Variants in UBASH3B observed in about 807,000 individuals in gnomAD.
UBASH3B encodes ubiquitin associated and SH3 domain containing B, also known as ubiquitin-associated and SH3 domain-containing protein B.
Under a neutral mutation model 83.4 loss-of-function variants are expected in UBASH3B, and 37 were observed. That is an observed-to-expected ratio of 0.44 (90% CI 0.34 to 0.58). The LOEUF (loss-of-function observed/expected upper bound fraction) is 0.58, where lower values mean the gene tolerates loss of function less well. UBASH3B is among the 20% of genes least tolerant of loss of function. The pLI, the probability that UBASH3B is intolerant of heterozygous loss-of-function variation, is 0.01. For synonymous variants in UBASH3B, 304 were observed against 318.3 expected (o/e 0.96, Z 0.48); for missense variants, 657 against 827.2 (o/e 0.79, Z 2.52).
intron 1 of UBASH3B, among the ~76,000 whole-genome samples, chr11:122,748,566 G>A (rs760528287): frequency 6.6e-6 from 1 of 152,118 alleles, no homozygotes; most frequent in African/African-American, 2.4e-5. Context: ...AATAATTTAC[G>A]TTTATGCAAT....
intron 6 of UBASH3B, among the ~76,000 whole-genome samples, chr11:122,793,612 C>T (rs1861098382): frequency 6.6e-6 from 1 of 152,186 alleles, no homozygotes. Flanking sequence ...GCCTAACAAC[C>T]ATATTTACAT....
intron 1 of UBASH3B, among the ~76,000 whole-genome samples, chr11:122,744,485 T>C (rs972137131): frequency 6.6e-6 from 1 of 152,018 alleles, no homozygotes; most frequent in Non-Finnish European, 1.5e-5. Flanking sequence ...TGTGTTACTG[T>C]GTGTGTTGCA....
chr11:122,659,875 G>A (rs1332837089), intron 1 of UBASH3B, among the ~76,000 whole-genome samples: 1 of 152,148 alleles, frequency 6.6e-6, no homozygotes, highest in South Asian at 2.1e-4. Flanking sequence ...GTCTGGTGGT[G>A]TGCGGCACCA....
At chr11:122,809,562 T>G (rs1405026517) in intron 13 of UBASH3B, among the ~76,000 whole-genome samples, 187 bp from the exon 14 acceptor site, 1 of 152,238 alleles carries the variant, frequency 6.6e-6, no homozygotes, top group Non-Finnish European at 1.5e-5. Context: ...TAAATACTCT[T>G]CTAAGTTACC....
chr11:122,736,924 A>T (rs1860942589), intron 1 of UBASH3B, among the ~76,000 whole-genome samples: 1 of 152,164 alleles, frequency 6.6e-6, no homozygotes. Context: ...AATGAAAGGA[A>T]ATAAAGGATC....
chr11:122,684,570 G>A (rs1863785258), intron 1 of UBASH3B, among the ~76,000 whole-genome samples: 1 of 152,166 alleles, frequency 6.6e-6, no homozygotes, highest in Non-Finnish European at 1.5e-5. Flanking sequence ...TGAATTTGGA[G>A]AAGTAAAGAG....
At chr11:122,798,390 C>T (rs1164069801) in intron 9 of UBASH3B, among the ~76,000 whole-genome samples, 1 of 152,112 alleles carries the variant, frequency 6.6e-6, no homozygotes, top group Non-Finnish European at 1.5e-5. Context: ...GCCTTTACCA[C>T]TTGTTAGCAC....
intron 1 of UBASH3B, among the ~76,000 whole-genome samples, chr11:122,728,390 A>C (rs1413713513): frequency 1.3e-5 from 2 of 152,180 alleles, no homozygotes; most frequent in African/African-American, 4.8e-5. Context: ...TTCCTGTTGA[A>C]GCAGGTCGGG....
In UBASH3B at chr11:122,743,671, A is replaced by C. The variant is rs188700663; in HGVS notation, c.162-32548A>C. Among the ~76,000 whole-genome samples the C allele has an allele frequency of 3.1e-3, 465 of 152,370 alleles. 4 individuals carry two copies. The highest frequency in any genetic ancestry group is 0.011 in the African/African-American group (441 of 41,590). ...AACACAAAGTGCTGCAAGGATGTGA[A>C]TATTCGAAAGCAGGTCCCTGGTCTC... On this transcript the variant is annotated intron_variant, in intron 1 of 13. Transcript: ENST00000284273.
intron 1 of UBASH3B, among the ~76,000 whole-genome samples, chr11:122,740,301 A>C (rs1158056550): frequency 6.6e-6 from 1 of 152,202 alleles, no homozygotes; most frequent in Non-Finnish European, 1.5e-5. Flanking sequence ...TGGCATTTGA[A>C]CTGCACCTTG....
intron 1 of UBASH3B, among the ~76,000 whole-genome samples, chr11:122,742,033 C>T (rs1591794450): frequency 6.6e-6 from 1 of 152,212 alleles, no homozygotes; most frequent in Non-Finnish European, 1.5e-5. Flanking sequence ...CTGAGGACCC[C>T]TCCCTACCTC....
At chr11:122,666,309 T>A (rs1378799173) in intron 1 of UBASH3B, among the ~76,000 whole-genome samples, 1 of 152,282 alleles carries the variant, frequency 6.6e-6, no homozygotes, top group Non-Finnish European at 1.5e-5. Flanking sequence ...TCATGGCTGC[T>A]TTTGTGTACA....
rs996347213 is a variant in UBASH3B at position 122,759,344 on chromosome 11, A to G, written c.162-16875A>G. Among the ~76,000 whole-genome samples the G allele has an allele frequency of 3.3e-5, 5 of 152,260 alleles. No homozygotes were observed. The South Asian group carries it at 8.3e-4, about 25-fold the overall frequency. On this transcript the variant is annotated intron_variant, in intron 1 of 13. Coordinates refer to ENST00000284273, the MANE Select transcript of UBASH3B (RefSeq NM_032873.5). This position sits in a 1 kb window ranked among gnomAD's most constrained non-coding sequence, Gnocchi z 4.1. Reference sequence around the variant, plus strand: ...CGAGTCATTTAGAGCAGTGGTCCCCAATCTTTTTGGCACCAGGAACCGGTT... The same window carrying G: ...CGAGTCATTTAGAGCAGTGGTCCCCGATCTTTTTGGCACCAGGAACCGGTT...
intron 1 of UBASH3B, among the ~76,000 whole-genome samples, chr11:122,768,859 A>C (rs959258284): frequency 6.6e-6 from 1 of 152,178 alleles, no homozygotes; most frequent in Non-Finnish European, 1.5e-5. Flanking sequence ...CTCAAGATTG[A>C]CAACTACTCA....
chr11:122,671,456 C>T (rs1261477596), intron 1 of UBASH3B, among the ~76,000 whole-genome samples: 2 of 152,246 alleles, frequency 1.3e-5, no homozygotes, highest in Non-Finnish European at 2.9e-5. Context: ...CGTCAGGCCT[C>T]AGATCTGCAG....
intron 1 of UBASH3B, among the ~76,000 whole-genome samples, chr11:122,711,908 A>C (rs1864197865): frequency 6.6e-6 from 1 of 152,100 alleles, no homozygotes; most frequent in African/African-American, 2.4e-5. Flanking sequence ...ACTTCCAGCC[A>C]AGTTCTCTAC....
chr11:122,754,956 G>A (rs1322476773), intron 1 of UBASH3B, among the ~76,000 whole-genome samples: 2 of 152,144 alleles, frequency 1.3e-5, no homozygotes, highest in African/African-American at 4.8e-5. Flanking sequence ...AGTCAAAAGG[G>A]GTGGAAAGAA....
In UBASH3B at chr11:122,810,300, A is replaced by AT. The variant is rs879565637; in HGVS notation, c.*427dup. On this transcript the variant is annotated 3_prime_UTR_variant, in exon 14 of 14. Coordinates refer to ENST00000284273, the MANE Select transcript of UBASH3B (RefSeq NM_032873.5). ...ATTGAAAGGACAGCTTGGGGATGGA[A>AT]TTTTTTTTTTTTTATCTCCATTTTC... 0.02 allele frequency: 3,062 copies of AT among 149,496 alleles called. 118 individuals are homozygous for AT. Among genetic ancestry groups the AT allele is most frequent in the African/African-American group, 0.067 (2,702 of 40,408 alleles). The allele number at this position is 149,496 out of a possible 1,614,324, so 9.3% of individuals were successfully genotyped here.
chr11:122,784,907 A>T (rs1022148629), intron 5 of UBASH3B, among the ~76,000 whole-genome samples: 2 of 152,182 alleles, frequency 1.3e-5, no homozygotes, highest in Non-Finnish European at 1.5e-5. Flanking sequence ...AAGAATTCTG[A>T]CATCTCCTAG....
Sources: allele counts gnomAD v4.1 joint callset (sites outside exome capture counted in the v4.1 genomes callset), GRCh38; gene constraint gnomAD v4.1.1; non-coding constraint Gnocchi (gnomAD v3.1); transcripts MANE v1.5; gene names NCBI Gene and HGNC (gene_info 2026-07-23, HGNC 2026-07-21).